Variants in TOPORS observed in about 807,000 individuals in gnomAD.
TOPORS encodes E3 ubiquitin-protein ligase Topors.
In TOPORS, 25 loss-of-function variants were observed where a neutral mutation model predicts 81.4. The observed-to-expected ratio is 0.31, with a 90% CI of 0.22 to 0.43. TOPORS has a LOEUF of 0.43. Ranked by LOEUF, TOPORS falls within the 20% of genes least tolerant of loss-of-function variation. The pLI is 1.00. For synonymous variants in TOPORS, 473 were observed against 456.6 expected (o/e 1.04, Z -0.46); for missense variants, 1,101 against 1,267.0 (o/e 0.87, Z 1.99).
chr9:32,550,622 G>C, intron 2 of TOPORS, 152 bp downstream of exon 2: 1 of 824,768 alleles, frequency 1.2e-6, no homozygotes, highest in Non-Finnish European at 1.9e-6. Flanking sequence ...CGCAGGAGCC[G>C]CTCGGGGGCC....
At chr9:32,545,869 G>A (rs576368427) in intron 2 of TOPORS, among the ~76,000 whole-genome samples, 6 of 152,026 alleles carry the variant, frequency 3.9e-5, no homozygotes, top group African/African-American at 1.4e-4. Flanking sequence ...AGTCAACTGG[G>A]GTCAAGTTAA....
chr9:32,546,102 A>C (rs1821137314), intron 2 of TOPORS, among the ~76,000 whole-genome samples: 1 of 152,214 alleles, frequency 6.6e-6, no homozygotes, highest in East Asian at 1.9e-4. Flanking sequence ...TCAGGGGTCC[A>C]GGTATGTCTA....
In TOPORS at chr9:32,541,457, GATGGC is replaced by G. The variant is rs763651609; in HGVS notation, c.3063_3067del (p.Glu1021AspfsTer18). 1 of 1,614,176 alleles carries G rather than the reference GATGGC, an allele frequency of 6.2e-7. No homozygotes were observed. The highest frequency in any genetic ancestry group is 8.5e-7 in the Non-Finnish European group (1 of 1,180,028). On this transcript the variant is annotated frameshift_variant, in exon 3 of 3. Transcript: ENST00000360538. LOFTEE classifies it high-confidence loss of function. ...TGTCCGTGGCGATGGCAATTGCCTT[GATGGC>G]TCAGTTTGAAGAGACACAATGTTAC... is the stretch of plus-strand genomic sequence containing the variant.
At chr9:32,547,629 T>C (rs1407689390) in intron 2 of TOPORS, among the ~76,000 whole-genome samples, 1 of 152,196 alleles carries the variant, frequency 6.6e-6, no homozygotes, top group East Asian at 1.9e-4. Flanking sequence ...TGATACCTTT[T>C]ATATGAAATG....
At chr9:32,549,517 T>C (rs1821191984) in intron 2 of TOPORS, among the ~76,000 whole-genome samples, 1 of 152,152 alleles carries the variant, frequency 6.6e-6, no homozygotes, top group African/African-American at 2.4e-5. Flanking sequence ...ATTGAAAAGG[T>C]GGTTGTGTGA....
intron 2 of TOPORS, among the ~76,000 whole-genome samples, chr9:32,547,999 ATTTTTTT>A (rs747727912): frequency 6.5e-4 from 54 of 83,712 alleles, no homozygotes; most frequent in East Asian, 9.9e-4. Flanking sequence ...CACGCTCGGC[ATTTTTTT>A]TTTTTTTTTT....
chr9:32,544,755 A>T (rs566180020), intron 2 of TOPORS, among the ~76,000 whole-genome samples: 61 of 152,316 alleles, frequency 4.0e-4, no homozygotes, highest in African/African-American at 1.4e-3. Flanking sequence ...ACATATAAAA[A>T]AAAAAAGTAC....
rs911400286 is a variant in TOPORS, at chr9:32,541,170, T to C, written c.*217A>G. 3 of 458,786 alleles carry C rather than the reference T, an allele frequency of 6.5e-6. No homozygotes were observed. The highest frequency in any genetic ancestry group is 7.8e-6 in the Non-Finnish European group (2 of 256,700). The allele number at this position is 458,786 out of a possible 1,614,324, so 28.4% of individuals were successfully genotyped here. ...TTAAATAAGCTGCTAGCAGTATCAT[T>C]TTCTTCACTTAAAAGTGCATATCTT... On this transcript the variant is annotated 3_prime_UTR_variant, in exon 3 of 3. Coordinates refer to ENST00000360538, the MANE Select transcript of TOPORS (RefSeq NM_005802.5).
chr9:32,549,776 C>A (rs540172986), intron 2 of TOPORS, among the ~76,000 whole-genome samples: 1 of 152,078 alleles, frequency 6.6e-6, no homozygotes, highest in South Asian at 2.1e-4. Context: ...AGAAAGATCA[C>A]CCAAGTATTA....
rs756797952 is a variant in TOPORS, at chr9:32,542,548, A to G, written c.1977T>C (p.Thr659=). The G allele has an allele frequency of 6.2e-7, 1 of 1,614,074 alleles. No individual in the cohort carries two copies. The highest frequency in any genetic ancestry group is 1.1e-5 in the South Asian group (1 of 91,082). The change falls in exon 3 of 3, where the codon ACT becomes ACC. Residue 659 remains threonine, a synonymous_variant. Coordinates refer to ENST00000360538, the MANE Select transcript of TOPORS (RefSeq NM_005802.5). ...TTGTGCTTTCACTACTTAGAGACAG[A>G]GTTTGGCTTCTTCTGGACCAACTGC... ...RDSSWSRRSQ[T]LSLSSESTSR...
chr9:32,550,915 G>A lies in TOPORS; in HGVS notation c.57C>T (p.Pro19=), dbSNP rs1182478520. Residue 19 remains proline (P), a synonymous_variant, in exon 2 of 3, where the codon CCC becomes CCT. Transcript: ENST00000360538. ...SPLSREEGEA[P]PPAPASEGRR... is the part of the protein sequence containing the mutation. ...TACCCTCCGAAGCGGGAGCAGGCGG[G>A]GGCGCTTCACCCTCCTCGCGAGACA... The A allele has an allele frequency of 3.7e-6, 6 of 1,612,800 alleles. No homozygotes were observed. The highest frequency in any genetic ancestry group is 1.1e-5 in the South Asian group (1 of 91,078).
In TOPORS at chr9:32,542,332, A is replaced by G. The variant is rs1175711695; in HGVS notation, c.2193T>C (p.Ser731=). ...RRRTLSRAHY[S]RQSSSPEFRV... ...TAAATTCTGGACTTGAAGACTGTCT[A>G]GAATAATGAGCTCTGGACAGAGTCC... The change falls in exon 3 of 3, where the codon TCT becomes TCC. Residue 731 remains serine (S), a synonymous_variant. Coordinates refer to ENST00000360538, the MANE Select transcript of TOPORS (RefSeq NM_005802.5). The G allele has an allele frequency of 6.2e-7, 1 of 1,614,102 alleles. No homozygotes were observed. Among genetic ancestry groups the G allele is most frequent in the African/African-American group, 1.3e-5 (1 of 74,940 alleles).
At chr9:32,544,564 A>G (rs962680120) in intron 2 of TOPORS, among the ~76,000 whole-genome samples, 1 of 152,238 alleles carries the variant, frequency 6.6e-6, no homozygotes, top group African/African-American at 2.4e-5. Flanking sequence ...CAGCGTGACT[A>G]TGTGCCAGTT....
chr9:32,545,377 A>C (rs1821127900), intron 2 of TOPORS, among the ~76,000 whole-genome samples: 1 of 150,906 alleles, frequency 6.6e-6, no homozygotes, highest in Non-Finnish European at 1.5e-5. Context: ...CATTGGCTCA[A>C]AACTTTGCTA....
In TOPORS at chr9:32,550,818, G is replaced by C. The variant is rs1017028763; in HGVS notation, c.154C>G (p.Leu52Val). 16 of 1,612,694 alleles carry C rather than the reference G, an allele frequency of 9.9e-6. No individual in the cohort carries two copies. The highest frequency in any genetic ancestry group is 1.4e-5 in the Non-Finnish European group (16 of 1,179,712). ...GGCCTGGCTGGGGCGCTCGCCGCGA[G>C]CTCCCGGCAGCCCAGAAAGCTAGGT... is the stretch of plus-strand genomic sequence containing the variant. ...HRPSFLGCRE[L>V]AASAPARPAP... Residue 52 changes from leucine (L) to valine (V), a missense_variant, in exon 2 of 3, where the codon CTC becomes GTC. Leu to Val is a conservative substitution (Grantham distance 32). This residue lies in a region of TOPORS where 131 missense variants were observed against 101.0 expected (regional missense o/e 1.30). Coordinates refer to ENST00000360538, the MANE Select transcript of TOPORS (RefSeq NM_005802.5).
chr9:32,551,409 G>A, intron 1 of TOPORS: 1 of 324,246 alleles, frequency 3.1e-6, no homozygotes, highest in Non-Finnish European at 6.1e-6. Flanking sequence ...AGTCCAACGG[G>A]ATCCCAAACC....
chr9:32,547,246 G>GATC (rs35538730), intron 2 of TOPORS, among the ~76,000 whole-genome samples: 90,384 of 151,856 alleles, frequency 0.6, 27,134 homozygotes, highest in Middle Eastern at 0.68. Flanking sequence ...AATGCATGTA[G>GATC]ATCAAATAAG....
rs1158991901 is a variant in TOPORS, at chr9:32,540,853, T to C, written c.*534A>G. 1 of 152,646 alleles carries C rather than the reference T, an allele frequency of 6.6e-6. No homozygotes were observed. The highest frequency in any genetic ancestry group is 2.4e-5 in the African/African-American group (1 of 41,438). 9.5% of individuals were successfully genotyped at this position (152,646 alleles called of 1,614,324 possible). On this transcript the variant is annotated 3_prime_UTR_variant, in exon 3 of 3. Coordinates refer to ENST00000360538, the MANE Select transcript of TOPORS (RefSeq NM_005802.5). Reference sequence around the variant, plus strand: ...TTTACTGGCAGTCCAGATAAACAAGTATATAAAGGAAATAGTAAATTTTTA... The same window carrying C: ...TTTACTGGCAGTCCAGATAAACAAGCATATAAAGGAAATAGTAAATTTTTA...
At chr9:32,547,199 C>A (rs1010963516) in intron 2 of TOPORS, among the ~76,000 whole-genome samples, 4 of 152,074 alleles carry the variant, frequency 2.6e-5, no homozygotes, top group Admixed American at 6.5e-5. Context: ...GATCCAGTCT[C>A]TATTTTAAAA....
Sources: allele counts gnomAD v4.1 joint callset (sites outside exome capture counted in the v4.1 genomes callset), GRCh38; gene constraint gnomAD v4.1.1; regional missense constraint gnomAD v4.1.1; transcripts MANE v1.5; gene names NCBI Gene and HGNC (gene_info 2026-07-23, HGNC 2026-07-21).